RREB1: variants seen among roughly 807,000 people sequenced by gnomAD.
RREB1 encodes ras-responsive element-binding protein 1.
In RREB1, 27 loss-of-function variants were observed where a neutral mutation model predicts 117.8. That is an observed-to-expected ratio of 0.23 (90% CI 0.17 to 0.32). The LOEUF (loss-of-function observed/expected upper bound fraction) is 0.32, where lower values mean the gene tolerates loss of function less well. RREB1 is among the 10% of genes least tolerant of loss of function. The pLI is 1.00. For synonymous variants in RREB1, 1,298 were observed against 1,026.7 expected, an observed-to-expected ratio of 1.26 and a Z score of -5.05; for missense variants, 2,577 against 2,378.2, an observed-to-expected ratio of 1.08 and a Z score of -1.74.
At chr6:7,244,881 TCATC>T (rs1279189309) in intron 11 of RREB1, among the ~76,000 whole-genome samples, 1 of 152,152 alleles carries the variant, frequency 6.6e-6, no homozygotes, top group Non-Finnish European at 1.5e-5. Flanking sequence ...TGATGGCAAA[TCATC>T]AAGCATGTGA....
intron 1 of RREB1, chr6:7,108,602 C>G (rs950129589): frequency 5.2e-5 from 8 of 152,408 alleles, no homozygotes; most frequent in Non-Finnish European, 7.3e-5. Flanking sequence ...CATCCTCCCC[C>G]CCATGTGGGA....
intron 1 of RREB1, among the ~76,000 whole-genome samples, chr6:7,170,543 G>C (rs985708701): frequency 6.6e-6 from 1 of 151,982 alleles, no homozygotes; most frequent in African/African-American, 2.4e-5. Flanking sequence ...TTGCTGGAGA[G>C]AAGGCTTTTA....
At chr6:7,115,920 C>G (rs1020537921) in intron 1 of RREB1, among the ~76,000 whole-genome samples, 1 of 152,168 alleles carries the variant, frequency 6.6e-6, no homozygotes, top group African/African-American at 2.4e-5. Context: ...CCCCAATGTT[C>G]GATCAGTCAC....
intron 1 of RREB1, among the ~76,000 whole-genome samples, chr6:7,136,019 A>C (rs1762338518): frequency 6.6e-6 from 1 of 152,174 alleles, no homozygotes; most frequent in Non-Finnish European, 1.5e-5. Flanking sequence ...CCATCTGTAC[A>C]ATGGGACCAG....
intron 10 of RREB1, among the ~76,000 whole-genome samples, chr6:7,235,709 G>T (rs1244739549): frequency 6.6e-6 from 1 of 152,186 alleles, no homozygotes; most frequent in African/African-American, 2.4e-5. Context: ...TCTACACCTT[G>T]AATGCTGGCC....
chr6:7,232,977 C>T (rs997563777), intron 10 of RREB1, among the ~76,000 whole-genome samples: 1 of 152,168 alleles, frequency 6.6e-6, no homozygotes, highest in Non-Finnish European at 1.5e-5. Flanking sequence ...TCACTGCAAC[C>T]TCTGCCTCCC....
chr6:7,247,275 C>A, intron 12 of RREB1, 54 bp downstream of exon 12: 1 of 1,525,526 alleles, frequency 6.6e-7, no homozygotes, highest in South Asian at 1.2e-5. Flanking sequence ...AGCCGGGCAC[C>A]TCTCCTAGGA....
chr6:7,213,692 C>A, intron 8 of RREB1: 1 of 152,312 alleles, frequency 6.6e-6, no homozygotes, highest in Non-Finnish European at 1.5e-5. Flanking sequence ...CTGAACCTCC[C>A]AAAGAGAATC....
intron 8 of RREB1, among the ~76,000 whole-genome samples, chr6:7,226,095 C>T (rs1376882961): frequency 6.6e-6 from 1 of 152,186 alleles, no homozygotes; most frequent in African/African-American, 2.4e-5. Flanking sequence ...CCAGTGAACT[C>T]AGGGAGAGAG....
rs116693435 is a variant in RREB1, at chr6:7,196,084, C to A, written c.425+6762C>A. Among the ~76,000 whole-genome samples the A allele has an allele frequency of 8.0e-3, 1,212 of 152,304 alleles. 21 individuals carry two copies. Among genetic ancestry groups the A allele is most frequent in the African/African-American group, 0.027 (1,134 of 41,562 alleles). On this transcript the variant is annotated intron_variant, in intron 6 of 12. Transcript: ENST00000379938. ...GCTCACCCCCTGCTCTGAAGGCTGT[C>A]CACACGCACACGTGGGATGCACACC... is the stretch of plus-strand genomic sequence containing the variant.
At chr6:7,114,094 G>A (rs140821577) in intron 1 of RREB1, among the ~76,000 whole-genome samples, 162 of 152,204 alleles carry the variant, frequency 1.1e-3, no homozygotes, top group Non-Finnish European at 1.2e-3. Flanking sequence ...TTTAGTGCTG[G>A]GAGACTAACA....
At position 7,114,128 on chromosome 6, in the gene RREB1, TGGTTCACTTA is replaced by T. The variant is rs548637868; in HGVS notation, c.-285+6072_-285+6081del. Among the ~76,000 whole-genome samples, 1,172 of 152,276 alleles carry T rather than the reference TGGTTCACTTA, an allele frequency of 7.7e-3. 9 individuals carry two copies. The highest frequency in any genetic ancestry group is 0.012 in the Non-Finnish European group (823 of 68,028). ...CAGGACTAGCAAATTCTTCTTAATG[TGGTTCACTTA>T]GGTGAGGCAGAGTCTTGCTGTCGCC... On this transcript the variant is annotated intron_variant, in intron 1 of 12. Transcript: ENST00000379938.
At chr6:7,178,691 T>A (rs1764633978) in intron 2 of RREB1, among the ~76,000 whole-genome samples, 1 of 152,184 alleles carries the variant, frequency 6.6e-6, no homozygotes, top group African/African-American at 2.4e-5. Flanking sequence ...TTTCAAACAG[T>A]GTAGCTATGA....
intron 6 of RREB1, among the ~76,000 whole-genome samples, chr6:7,198,580 A>T (rs1431135120): frequency 6.6e-6 from 1 of 152,210 alleles, no homozygotes; most frequent in Non-Finnish European, 1.5e-5. Context: ...GGATATACGT[A>T]GTCAGCATAG....
chr6:7,145,841 G>GC (rs1762828950), intron 1 of RREB1, among the ~76,000 whole-genome samples: 1 of 151,628 alleles, frequency 6.6e-6, no homozygotes, highest in Non-Finnish European at 1.5e-5. Context: ...GCCTGTAGCT[G>GC]CCCCTATGCC....
chr6:7,139,605 CTGAAT>C, intron 1 of RREB1, among the ~76,000 whole-genome samples: 1 of 152,128 alleles, frequency 6.6e-6, no homozygotes, highest in Middle Eastern at 3.4e-3. Flanking sequence ...GACAATATAA[CTGAAT>C]TGGTTATTGA....
intron 8 of RREB1, chr6:7,215,296 C>T (rs1766837095): frequency 6.6e-6 from 1 of 152,236 alleles, no homozygotes; most frequent in African/African-American, 2.4e-5. Flanking sequence ...GCAAGAGAAT[C>T]TGGGCCACGC....
In RREB1 at chr6:7,229,385, C is replaced by A. The variant is rs371245632; in HGVS notation, c.1286C>A (p.Ala429Glu). The change falls in exon 10 of 13, where the codon GCG becomes GAG. Residue 429 changes from alanine to glutamate, a missense_variant. Transcript: ENST00000379938. The surrounding 1 kb of genome is among the most constrained non-coding windows in gnomAD (Gnocchi z 4.5). The stretch of plus-strand genomic sequence containing the variant: ...GGCGGTTCTCTCACAGTTCTCCCCG[C>A]GACCAAGGACAGCATAAAGCACCTG... ...SLGGSLTVLP[A>E]TKDSIKHLSL... 2 of 1,613,996 alleles carry A rather than the reference C, an allele frequency of 1.2e-6. No individual in the cohort carries two copies. The highest frequency in any genetic ancestry group is 2.7e-5 in the African/African-American group (2 of 74,934).
In RREB1 at chr6:7,154,166, T is replaced by C. The variant is rs78079515; in HGVS notation, c.-284-22489T>C. Among the ~76,000 whole-genome samples, 1,012 of 152,306 alleles carry C rather than the reference T, an allele frequency of 6.6e-3. 10 individuals carry two copies. The highest frequency in any genetic ancestry group is 0.02 in the Middle Eastern group (6 of 294). On this transcript the variant is annotated intron_variant, in intron 1 of 12. Transcript: ENST00000379938. ...ATCTCCATAAGGTTCTCTATGCACA[T>C]AAACTAGATGAAGCTTAGGCCTGAA...
Sources: allele counts gnomAD v4.1 joint callset (sites outside exome capture counted in the v4.1 genomes callset), GRCh38; gene constraint gnomAD v4.1.1; non-coding constraint Gnocchi (gnomAD v3.1); transcripts MANE v1.5; gene names NCBI Gene and HGNC (gene_info 2026-07-23, HGNC 2026-07-21).